The following PER3 variants were observed in gnomAD, a reference collection of about 807,000 sequenced individuals.
PER3 encodes the protein period circadian protein homolog 3.
Under a neutral mutation model 127.2 loss-of-function variants are expected in PER3, and 107 were observed. The ratio of observed to expected loss-of-function variants is 0.84; its 90% CI spans 0.72 to 0.99. PER3 has a LOEUF of 0.99. PER3 is among the 50% of genes least tolerant of loss of function. The pLI, the probability that PER3 is intolerant of heterozygous loss-of-function variation, is 0.00. For synonymous variants in PER3, 618 were observed against 585.8 expected, an observed-to-expected ratio of 1.05 and a Z score of -0.79; for missense variants, 1,560 against 1,525.8, an observed-to-expected ratio of 1.02 and a Z score of -0.37.
At chr1:7,793,671 G>C (rs1447109397) in intron 5 of PER3, among the ~76,000 whole-genome samples, 1 of 152,174 alleles carries the variant, frequency 6.6e-6, no homozygotes, top group Non-Finnish European at 1.5e-5. Flanking sequence ...TTGAGATGAT[G>C]AACATGGGCA....
Position 7,827,122 on chromosome 1 carries a change from T to C in PER3, c.2193T>C (p.Asp731=). ...CCTCTACCTTTATCCTTCCAGGAGA[T>C]TCTACTTCCAAGCAGACGCGGTCGG... ...SKAKYSYFQG[D]STSKQTRSAG... is the part of the protein sequence containing the mutation. The change falls in exon 18 of 22, where the codon GAT becomes GAC. Residue 731 remains aspartate (D), a synonymous_variant. Coordinates refer to ENST00000377532, the MANE Select transcript of PER3 (RefSeq NM_001377275.1). 1 of 1,588,462 alleles carries C rather than the reference T, an allele frequency of 6.3e-7. No homozygotes were observed. The highest frequency in any genetic ancestry group is 8.6e-7 in the Non-Finnish European group (1 of 1,168,590).
intron 21 of PER3, among the ~76,000 whole-genome samples, chr1:7,841,368 C>T (rs527622531): frequency 6.6e-6 from 1 of 152,052 alleles, no homozygotes; most frequent in East Asian, 1.9e-4. Flanking sequence ...TCCCCTTTCC[C>T]AGGGCTTATT....
intron 13 of PER3, among the ~76,000 whole-genome samples, chr1:7,811,848 C>G (rs957489968): frequency 1.4e-4 from 21 of 152,118 alleles, no homozygotes; most frequent in African/African-American, 4.8e-4. Context: ...CCTGTTCTTT[C>G]ATTTTTTTTC....
Position 7,788,260 on chromosome 1 carries a change from T to C in PER3, c.592+14T>C. ...GGACCCAAAGAGGTAACAGGACCAA[T>C]GTTCAGATGTCTATCTTTCCTCATC... On this transcript the variant is annotated intron_variant, in intron 5 of 21. Coordinates refer to ENST00000377532, the MANE Select transcript of PER3 (RefSeq NM_001377275.1). The C allele has an allele frequency of 5.2e-6, 8 of 1,550,628 alleles. No homozygotes were observed. The highest frequency in any genetic ancestry group is 7.1e-6 in the Non-Finnish European group (8 of 1,122,114).
chr1:7,789,051 ATTCAGTCCTGTGT>A (rs2097105843), intron 5 of PER3, among the ~76,000 whole-genome samples: 1 of 151,748 alleles, frequency 6.6e-6, no homozygotes, highest in South Asian at 2.1e-4. Context: ...TCTTTGTGAC[ATTCAGTCCTGTGT>A]GATCTTAATT....
At chr1:7,786,572 T>C in intron 3 of PER3, 149 bp from the exon 4 acceptor site, 1 of 551,048 alleles carries the variant, frequency 1.8e-6, no homozygotes. Context: ...ATCAGTATTT[T>C]AGGTAAAAGC....
At chr1:7,818,009 G>C (rs2097259230) in intron 13 of PER3, among the ~76,000 whole-genome samples, 1 of 152,160 alleles carries the variant, frequency 6.6e-6, no homozygotes, top group African/African-American at 2.4e-5. Flanking sequence ...GAAGGACACT[G>C]CACCTCCGCC....
chr1:7,789,188 C>T (rs926241388), intron 5 of PER3, among the ~76,000 whole-genome samples: 10 of 148,838 alleles, frequency 6.7e-5, no homozygotes, highest in Non-Finnish European at 1.0e-4. Context: ...AAGCCCTTCT[C>T]TCTAATTAAA....
At chr1:7,832,953 T>G (rs2097340170) in intron 19 of PER3, among the ~76,000 whole-genome samples, 1 of 151,816 alleles carries the variant, frequency 6.6e-6, no homozygotes, top group African/African-American at 2.4e-5. Flanking sequence ...TCCTCTGGCC[T>G]CAGCTTCCTG....
intron 3 of PER3, 58 bp from the exon 4 acceptor site, chr1:7,786,663 G>T (rs2097092468): frequency 2.3e-6 from 2 of 873,422 alleles, no homozygotes; most frequent in African/African-American, 3.3e-5. Flanking sequence ...GTGATGAAAT[G>T]GTTTCCTAAA....
chr1:7,804,041 TAG>T, intron 10 of PER3, 193 bp downstream of exon 10: 1 of 447,210 alleles, frequency 2.2e-6, no homozygotes, highest in Non-Finnish European at 4.0e-6. Context: ...AGCCTTAAAG[TAG>T]CTTAAATATC....
chr1:7,832,522 C>A (rs1377549086), intron 19 of PER3, among the ~76,000 whole-genome samples: 1 of 151,070 alleles, frequency 6.6e-6, no homozygotes, highest in Non-Finnish European at 1.5e-5. Context: ...TACGGGTGCC[C>A]GCCACCACAC....
At chr1:7,807,793 G>T (rs1055316857) in intron 10 of PER3, among the ~76,000 whole-genome samples, 2 of 152,184 alleles carry the variant, frequency 1.3e-5, no homozygotes, top group Admixed American at 1.3e-4. Context: ...CTGGAGCCCA[G>T]ACTCTGGTCC....
chr1:7,827,020 G>T, intron 17 of PER3, 98 bp from the exon 18 acceptor site: 1 of 908,864 alleles, frequency 1.1e-6, no homozygotes. Flanking sequence ...ATTGGCAAAT[G>T]CTCATTCGTC....
rs1577584772 is a variant in PER3, at chr1:7,784,756, T to C, written c.-122T>C. Reference sequence around the variant, plus strand: ...CCCCTGGCTCGTGGTGGCCGCCTGTTCTCACTAACGCCATGGCGGGGACCG... The same window carrying C: ...CCCCTGGCTCGTGGTGGCCGCCTGTCCTCACTAACGCCATGGCGGGGACCG... On this transcript the variant is annotated 5_prime_UTR_variant, in exon 2 of 22. Coordinates refer to ENST00000377532, the MANE Select transcript of PER3 (RefSeq NM_001377275.1). The C allele has an allele frequency of 1.8e-6, 2 of 1,085,668 alleles. No homozygotes were observed. Among genetic ancestry groups the C allele is most frequent in the East Asian group, 6.5e-5 (2 of 30,902 alleles). The allele number at this position is 1,085,668 out of a possible 1,614,324, so 67.3% of individuals were successfully genotyped here. A position where few individuals can be genotyped will look rare whatever the true frequency, so the allele number is the denominator to read the frequency against.
chr1:7,784,922 G>A lies in PER3; in HGVS notation c.45G>A (p.Lys15=), dbSNP rs1230288487. 1 of 1,534,340 alleles carries A rather than the reference G, an allele frequency of 6.5e-7. No homozygotes were observed. The highest frequency in any genetic ancestry group is 2.6e-5 in the East Asian group (1 of 39,106). ...EAPGPGRRGA[K]DEALGEESGE... The stretch of plus-strand genomic sequence containing the variant: ...CTGGCCCCGGGAGACGGGGGGCTAA[G>A]GACGAGGCCCTGGGCGAAGAATCGG... The change falls in exon 2 of 22, where the codon AAG becomes AAA. Residue 15 remains lysine (K), a synonymous_variant. Transcript: ENST00000377532.
intron 6 of PER3, among the ~76,000 whole-genome samples, chr1:7,797,741 G>T (rs149930919): frequency 1.2e-4 from 19 of 152,270 alleles, no homozygotes; most frequent in Admixed American, 1.2e-3. Flanking sequence ...ACACCTTTAC[G>T]TGCTGGCGAG....
chr1:7,803,360 G>A (rs1327003140), intron 9 of PER3, among the ~76,000 whole-genome samples: 3 of 150,056 alleles, frequency 2.0e-5, no homozygotes, highest in Non-Finnish European at 3.0e-5. Context: ...AGGCCGAGGT[G>A]GGCGAATTGC....
chr1:7,785,125 G>A, intron 2 of PER3, 120 bp downstream of exon 2: 3 of 1,066,380 alleles, frequency 2.8e-6, no homozygotes. Context: ...AGTGTAAAGG[G>A]GAGACTCGGG....
Sources: allele counts gnomAD v4.1 joint callset (sites outside exome capture counted in the v4.1 genomes callset), GRCh38; gene constraint gnomAD v4.1.1; transcripts MANE v1.5; gene names NCBI Gene and HGNC (gene_info 2026-07-23, HGNC 2026-07-21).